Variants in PISD observed in about 807,000 individuals in gnomAD.
The protein encoded by PISD is phosphatidylserine decarboxylase proenzyme, mitochondrial.
A neutral mutation model predicts 43.5 loss-of-function variants in PISD; 31 were observed. That is an observed-to-expected ratio of 0.71 (90% CI 0.54 to 0.96). PISD has a LOEUF of 0.96. PISD is among the 40% of genes least tolerant of loss of function. PISD has a pLI of 0.00. For missense variants in PISD, 523 were observed against 548.4 expected (o/e 0.95, Z 0.46); for synonymous variants, 259 against 228.7 (o/e 1.13, Z -1.20).
intron 1 of PISD, among the ~76,000 whole-genome samples, chr22:31,660,568 G>A (rs2074288925): frequency 6.6e-6 from 1 of 152,136 alleles, no homozygotes; most frequent in Non-Finnish European, 1.5e-5. Context: ...TGAGGTGGAA[G>A]AACTGCTTGA....
chr22:31,645,245 T>A (rs1288770813), intron 3 of PISD, among the ~76,000 whole-genome samples: 1 of 152,036 alleles, frequency 6.6e-6, no homozygotes, highest in Non-Finnish European at 1.5e-5. Flanking sequence ...TCCACAAAAA[T>A]TCAAACAAAT....
chr22:31,648,412 T>G, intron 2 of PISD, 136 bp from the exon 3 acceptor site: 1 of 682,352 alleles, frequency 1.5e-6, no homozygotes, highest in East Asian at 2.8e-5. Flanking sequence ...GGCACATGGC[T>G]CACGCCTGTA....
chr22:31,640,615 C>G (rs1210043989), intron 3 of PISD, among the ~76,000 whole-genome samples: 1 of 113,230 alleles, frequency 8.8e-6, no homozygotes, highest in Non-Finnish European at 1.6e-5. Context: ...GAGTCTCGCT[C>G]TGTCAACCAG....
Position 31,620,570 on chromosome 22 carries a change from G to A in PISD, c.988C>T (p.Arg330Cys), listed in dbSNP as rs778499710. The change falls in exon 7 of 8, where the codon CGC becomes TGC. Residue 330 changes from arginine to cysteine, a missense_variant. Coordinates refer to ENST00000439502, the MANE Select transcript of PISD (RefSeq NM_001326411.2). ...CTGCTTACCCGGTCAAAGTAGATGC[G>A]AATGGAGCCCACGTTGGTGGCCCCC... Reference protein sequence around the residue: ...AVGATNVGSIRIYFDRDLHTN... With the variant: ...AVGATNVGSICIYFDRDLHTN... 10 of 1,614,070 alleles carry A rather than the reference G, an allele frequency of 6.2e-6. No homozygotes were observed. The highest frequency in any genetic ancestry group is 4.0e-5 in the African/African-American group (3 of 74,946).
chr22:31,630,982 G>C lies in PISD; in HGVS notation c.322-9097C>G, dbSNP rs2045199971. 1.9e-6 allele frequency: 1 copy of C among 525,688 alleles called. No homozygotes were observed. The highest frequency in any genetic ancestry group is 2.4e-6 in the Non-Finnish European group (1 of 409,440). 32.6% of individuals were successfully genotyped at this position (525,688 alleles called of 1,614,324 possible). On this transcript the variant is annotated intron_variant, in intron 3 of 7. Coordinates refer to ENST00000439502, the MANE Select transcript of PISD (RefSeq NM_001326411.2). The surrounding 1 kb of genome is among the most constrained non-coding windows in gnomAD (Gnocchi z 4.4). Reference sequence around the variant, plus strand: ...CCCCCTCTGAGCCCCAGTCCTGCTGGGCCGTCCGCCCAACCCGAGGGCCCC... The same window carrying C: ...CCCCCTCTGAGCCCCAGTCCTGCTGCGCCGTCCGCCCAACCCGAGGGCCCC...
At chr22:31,636,057 T>A (rs2073421464) in intron 3 of PISD, among the ~76,000 whole-genome samples, 1 of 152,212 alleles carries the variant, frequency 6.6e-6, no homozygotes. Flanking sequence ...TGTACATCGC[T>A]CACCAACATG....
intron 1 of PISD, among the ~76,000 whole-genome samples, chr22:31,655,848 G>C (rs2074155697): frequency 6.6e-6 from 1 of 151,580 alleles, no homozygotes; most frequent in Non-Finnish European, 1.5e-5. Flanking sequence ...TGTTGGCCAG[G>C]CTGGGCTCGA....
chr22:31,648,804 C>G (rs2073955393), intron 2 of PISD, among the ~76,000 whole-genome samples: 1 of 152,122 alleles, frequency 6.6e-6, no homozygotes, highest in South Asian at 2.1e-4. Flanking sequence ...GGCATCTTTC[C>G]TATAGAATTA....
chr22:31,622,160 G>A (rs1475758270), intron 3 of PISD, among the ~76,000 whole-genome samples: 3 of 152,238 alleles, frequency 2.0e-5, no homozygotes, highest in South Asian at 2.1e-4. Context: ...GTCCCAGAAC[G>A]GGAGACGCCC....
intron 3 of PISD, among the ~76,000 whole-genome samples, chr22:31,644,888 G>T (rs1367794711): frequency 6.6e-6 from 1 of 152,082 alleles, no homozygotes; most frequent in Non-Finnish European, 1.5e-5. Context: ...ACTTTCGGAG[G>T]CCGAGGCGGG....
At chr22:31,632,284 T>C in intron 3 of PISD, 1 of 979,266 alleles carries the variant, frequency 1.0e-6, no homozygotes, top group Non-Finnish European at 1.2e-6. Flanking sequence ...TTCCATGTTC[T>C]TCCATACCTA....
chr22:31,637,150 AAAAAAAAAAAAAAAATATATAT>A (rs1472620599), intron 3 of PISD, among the ~76,000 whole-genome samples: 6 of 19,300 alleles, frequency 3.1e-4, no homozygotes, highest in African/African-American at 1.1e-3. Context: ...AATTAAAAAA[AAAAAAAAAAAAAAAATATATAT>A]ATATATATAT....
At position 31,625,710 on chromosome 22, in the gene PISD, C is replaced by T. The variant is rs1460642980; in HGVS notation, c.322-3825G>A. 3.5e-5 allele frequency: 54 copies of T among 1,560,012 alleles called. 1 individual carries two copies. Among genetic ancestry groups the T allele is most frequent in the East Asian group, 1.2e-4 (5 of 42,002 alleles). The stretch of plus-strand genomic sequence containing the variant: ...CCGCTGGATGTGAACTCTGACCTTC[C>T]GGAGGTCGTGGCGGGGAACCGTGGG... On this transcript the variant is annotated intron_variant, in intron 3 of 7. Transcript: ENST00000439502.
upstream of PISD, chr22:31,662,263 T>G: frequency 1.3e-6 from 2 of 1,548,830 alleles, no homozygotes; most frequent in Non-Finnish European, 1.8e-6. Context: ...GGCGCACGCT[T>G]AAGGCGTCAC....
At chr22:31,645,891 T>A (rs1270797363) in intron 3 of PISD, among the ~76,000 whole-genome samples, 8 of 145,426 alleles carry the variant, frequency 5.5e-5, no homozygotes, top group Admixed American at 1.4e-4. Context: ...ACAAAACAAA[T>A]AAAATAAAAT....
chr22:31,662,481 G>A (rs1601475569), upstream of PISD: 1 of 515,578 alleles, frequency 1.9e-6, no homozygotes, highest in South Asian at 2.4e-5. Flanking sequence ...TCATGTACCT[G>A]GAAAATCTGA....
chr22:31,620,125 G>C (rs1225094437), intron 7 of PISD, among the ~76,000 whole-genome samples: 3 of 152,222 alleles, frequency 2.0e-5, no homozygotes, highest in Non-Finnish European at 4.4e-5. Context: ...GGGAGCCAAG[G>C]CCGTTGGTCA....
At position 31,645,725 on chromosome 22, in the gene PISD, G is replaced by A. The variant is rs2073866282; in HGVS notation, c.321+2376C>T. 2.0e-5 allele frequency among the ~76,000 whole-genome samples: 3 copies of A among 148,918 alleles called. No individual in the cohort carries two copies. In the South Asian group the frequency reaches 6.3e-4, roughly 31 times the overall value. ...AATATAAAAATTAGCTGGGCATAACGGCAGGTGCCTGTAATCCCATCTACT... is the reference window on the plus strand; with the variant it reads ...AATATAAAAATTAGCTGGGCATAACAGCAGGTGCCTGTAATCCCATCTACT... On this transcript the variant is annotated intron_variant, in intron 3 of 7. Transcript: ENST00000439502.
rs1240291977 is a variant in PISD, at chr22:31,621,715, G to A, written c.492C>T (p.Asn164=). The A allele has an allele frequency of 1.9e-6, 3 of 1,614,024 alleles. No homozygotes were observed. Among genetic ancestry groups the A allele is most frequent in the Non-Finnish European group, 2.5e-6 (3 of 1,180,052 alleles). Residue 164 remains asparagine, a synonymous_variant, in exon 4 of 8, where the codon AAC becomes AAT. Coordinates refer to ENST00000439502, the MANE Select transcript of PISD (RefSeq NM_001326411.2). ...AAVEDLHHYR[N]LSEFFRRKLK... Reference sequence around the variant, plus strand: ...GCTTGCGCCGGAAGAACTCGCTGAGGTTGCGGTAGTGATGCAGGTCCTCCA... The same window carrying A: ...GCTTGCGCCGGAAGAACTCGCTGAGATTGCGGTAGTGATGCAGGTCCTCCA...
Sources: allele counts gnomAD v4.1 joint callset (sites outside exome capture counted in the v4.1 genomes callset), GRCh38; gene constraint gnomAD v4.1.1; non-coding constraint Gnocchi (gnomAD v3.1); transcripts MANE v1.5; gene names NCBI Gene and HGNC (gene_info 2026-07-23, HGNC 2026-07-21).